Variants in LOXL1 observed in about 807,000 individuals in gnomAD.
LOXL1 encodes lysyl oxidase like 1.
LOXL1 carries 31 observed loss-of-function variants against 62.2 expected under a neutral mutation model. The observed-to-expected ratio is 0.50, with a 90% CI of 0.37 to 0.67. The LOEUF is 0.67. LOXL1 is among the 30% of genes least tolerant of loss of function. The pLI, the probability that LOXL1 is intolerant of heterozygous loss-of-function variation, is 0.00. For synonymous variants in LOXL1, 403 were observed against 384.4 expected (o/e 1.05, Z -0.56); for missense variants, 775 against 843.4 (o/e 0.92, Z 1.00).
At chr15:73,935,934 GGTGTGTGTGTGTGTGTGTGTGT>G (rs3056338) in intron 1 of LOXL1, among the ~76,000 whole-genome samples, 5 of 131,838 alleles carry the variant, frequency 3.8e-5, no homozygotes, top group Non-Finnish European at 7.9e-5. Context: ...AGGTAGAGCT[GGTGTGTGTGTGTGTGTGTGTGT>G]GTGTGTGTGT....
chr15:73,948,798 G>A (rs2068764711), intron 5 of LOXL1, among the ~76,000 whole-genome samples: 1 of 152,106 alleles, frequency 6.6e-6, no homozygotes, highest in African/African-American at 2.4e-5. Context: ...TGAGTTCTAG[G>A]CACTAGACAC....
chr15:73,947,961 C>A, intron 5 of LOXL1, 59 bp downstream of exon 5: 3 of 1,330,096 alleles, frequency 2.3e-6, no homozygotes, highest in South Asian at 2.5e-5. Context: ...AATGTCCCCC[C>A]GTTCCTGAAA....
intron 1 of LOXL1, among the ~76,000 whole-genome samples, chr15:73,929,814 G>A (rs930493690): frequency 7.2e-5 from 11 of 152,186 alleles, no homozygotes; most frequent in African/African-American, 2.4e-4. Context: ...CAGCCTGATG[G>A]GCCCCACCTC....
At position 73,946,528 on chromosome 15, in the gene LOXL1, C is replaced by T. The variant is rs926050144; in HGVS notation, c.1323C>T (p.His441=). 5 of 1,609,110 alleles carry T rather than the reference C, an allele frequency of 3.1e-6. No individual in the cohort carries two copies. The highest frequency in any genetic ancestry group is 1.3e-5 in the African/African-American group (1 of 74,776). ...TADFLPNRPR[H]TWEWHSCHQH... ...ACTTCCTCCCCAACCGGCCACGGCACACCTGGGAGTGGCACAGCTGCCACC... is the reference window on the plus strand; with the variant it reads ...ACTTCCTCCCCAACCGGCCACGGCATACCTGGGAGTGGCACAGCTGCCACC... Residue 441 remains histidine (H), a synonymous_variant, in exon 3 of 7, where the codon CAC becomes CAT. Coordinates refer to ENST00000261921, the MANE Select transcript of LOXL1 (RefSeq NM_005576.4).
intron 1 of LOXL1, among the ~76,000 whole-genome samples, chr15:73,937,200 G>A (rs1021828167): frequency 1.3e-5 from 2 of 152,218 alleles, no homozygotes; most frequent in East Asian, 1.9e-4. Flanking sequence ...AGGAGGACAG[G>A]GTGGGCTTGT....
intron 2 of LOXL1, among the ~76,000 whole-genome samples, chr15:73,943,435 A>C (rs1318279127): frequency 6.6e-6 from 1 of 152,212 alleles, no homozygotes; most frequent in East Asian, 1.9e-4. Flanking sequence ...CCATGTCCAC[A>C]GAGGACAGTT....
At position 73,926,894 on chromosome 15, in the gene LOXL1, C is replaced by A; in HGVS notation, c.111C>A (p.Ala37=). The change falls in exon 1 of 7, where the codon GCC becomes GCA. Residue 37 remains alanine (A), a synonymous_variant. Transcript: ENST00000261921. The part of the protein sequence containing the change: ...QAQPGQGSDP[A]RWRQLIQWEN... The stretch of plus-strand genomic sequence containing the variant: ...AGCCCGGGCAGGGCTCGGACCCCGC[C>A]CGCTGGCGGCAGCTGATCCAGTGGG... 6.4e-7 allele frequency: 1 copy of A among 1,564,630 alleles called. No individual in the cohort carries two copies. Among genetic ancestry groups the A allele is most frequent in the East Asian group, 2.3e-5 (1 of 42,666 alleles).
At position 73,949,395 on chromosome 15, in the gene LOXL1, T is replaced by C. The variant is rs1481100110; in HGVS notation, c.1603-64T>C. 1.1e-5 allele frequency: 10 copies of C among 909,316 alleles called. No homozygotes were observed. The East Asian group carries it at 2.4e-4, about 22-fold the overall frequency. The allele number at this position is 909,316 out of a possible 1,614,324, so 56.3% of individuals were successfully genotyped here. A position where few individuals can be genotyped will look rare whatever the true frequency, so the allele number is the denominator to read the frequency against. On this transcript the variant is annotated intron_variant, in intron 5 of 6. Coordinates refer to ENST00000261921, the MANE Select transcript of LOXL1 (RefSeq NM_005576.4). ...TCTGCCTCTTTACCACCTTCTCTGG[T>C]GAGCAGTTGAGGTGCAGCCCCCCTG...
chr15:73,943,237 G>A (rs2068727139), intron 2 of LOXL1, among the ~76,000 whole-genome samples: 1 of 152,206 alleles, frequency 6.6e-6, no homozygotes, highest in South Asian at 2.1e-4. Flanking sequence ...ATCTTTATAT[G>A]AGCCCTGAAG....
rs1387184174 is a variant in LOXL1 at position 73,927,896 on chromosome 15, C to T, written c.1102+11C>T. 1.5e-6 allele frequency: 2 copies of T among 1,301,956 alleles called. No individual in the cohort carries two copies. Among genetic ancestry groups the T allele is most frequent in the East Asian group, 3.1e-5 (1 of 32,010 alleles). The allele number at this position is 1,301,956 out of a possible 1,614,324, so 80.7% of individuals were successfully genotyped here. A position where few individuals can be genotyped will look rare whatever the true frequency, so the allele number is the denominator to read the frequency against. On this transcript the variant is annotated intron_variant, in intron 1 of 6. Transcript: ENST00000261921. ...ACCAGAACGGCCGCGGTGAGTACGG[C>T]CCCGGCGCCCCTCCGGCCGCGCGTA...
chr15:73,951,727 C>A, intron 6 of LOXL1, 104 bp from the exon 7 acceptor site: 1 of 1,046,152 alleles, frequency 9.6e-7, no homozygotes, highest in Non-Finnish European at 1.3e-6. Flanking sequence ...CCCATGCCTG[C>A]CCTGCCACGA....
At chr15:73,942,716 G>C in intron 1 of LOXL1, 138 bp from the exon 2 acceptor site, 2 of 673,200 alleles carry the variant, frequency 3.0e-6, no homozygotes, top group Non-Finnish European at 5.5e-6. Flanking sequence ...AACACCCAAG[G>C]AGAATGGCAA....
At position 73,947,001 on chromosome 15, in the gene LOXL1, G is replaced by A. The variant is rs77903968; in HGVS notation, c.1350-66G>A. On this transcript the variant is annotated intron_variant, in intron 3 of 6. Transcript: ENST00000261921. Reference sequence around the variant, plus strand: ...GGTCACCTGAGCCCATCTCAGGATGGGGACAGGATGAGAGGCCCAGGGAAG... The same window carrying A: ...GGTCACCTGAGCCCATCTCAGGATGAGGACAGGATGAGAGGCCCAGGGAAG... 12,587 of 1,466,158 alleles carry A rather than the reference G, an allele frequency of 8.6e-3. 884 individuals carry two copies. In the African/African-American group the frequency reaches 0.16, roughly 18 times the overall value. 90.8% of individuals were successfully genotyped at this position (1,466,158 alleles called of 1,614,324 possible).
chr15:73,943,723 T>C (rs2068730470), intron 2 of LOXL1, among the ~76,000 whole-genome samples: 1 of 152,256 alleles, frequency 6.6e-6, no homozygotes, highest in Non-Finnish European at 1.5e-5. Flanking sequence ...GATTATGTTA[T>C]CTGCTTCTTT....
chr15:73,940,840 C>T (rs148292958), intron 1 of LOXL1, among the ~76,000 whole-genome samples: 354 of 152,342 alleles, frequency 2.3e-3, no homozygotes, highest in African/African-American at 8.1e-3. Flanking sequence ...CTGGCCTCTT[C>T]CTCCCGCTCC....
intron 1 of LOXL1, among the ~76,000 whole-genome samples, chr15:73,929,330 C>A (rs1316439608): frequency 6.6e-6 from 1 of 152,216 alleles, no homozygotes; most frequent in Non-Finnish European, 1.5e-5. Flanking sequence ...CTGACTGAGC[C>A]CTCCAGTGCC....
chr15:73,928,017 C>A (rs1356441122), intron 1 of LOXL1, 132 bp downstream of exon 1: 2 of 831,338 alleles, frequency 2.4e-6, no homozygotes, highest in East Asian at 3.4e-5. Flanking sequence ...GCAGCGCCCC[C>A]TCCCGACTTC....
chr15:73,927,341 C>T lies in LOXL1; in HGVS notation c.558C>T (p.Ser186=), dbSNP rs1414508601. 8.1e-6 allele frequency: 13 copies of T among 1,600,968 alleles called. No individual in the cohort carries two copies. Among genetic ancestry groups the T allele is most frequent in the Non-Finnish European group, 1.1e-5 (13 of 1,175,010 alleles). Residue 186 remains serine (S), a synonymous_variant, in exon 1 of 7, where the codon AGC becomes AGT. Transcript: ENST00000261921. ...CCTACCCGCAGGCGCCCTTCGTCAG[C>T]CAGTACGAGAACTACGACCCCGCGT... The part of the protein sequence containing the change: ...QFPYPQAPFV[S]QYENYDPASR...
chr15:73,939,667 G>A (rs2068700161), intron 1 of LOXL1, among the ~76,000 whole-genome samples: 2 of 152,232 alleles, frequency 1.3e-5, no homozygotes, highest in Admixed American at 1.3e-4. Flanking sequence ...CAGCTTGATT[G>A]TGGTGGAAGC....
Sources: gnomAD v4.1 joint callset for allele counts (sites outside exome capture counted in the v4.1 genomes callset) on GRCh38, gnomAD v4.1.1 for gene constraint, MANE v1.5 for transcripts, NCBI Gene and HGNC (gene_info 2026-07-23, HGNC 2026-07-21) for gene names.